Variants in GRID1 observed in about 807,000 individuals in gnomAD.
GRID1 encodes the protein glutamate receptor ionotropic, delta-1.
In GRID1, 28 loss-of-function variants were observed where a neutral mutation model predicts 98.0. The observed-to-expected ratio is 0.29, with a 90% confidence interval of 0.21 to 0.39. The LOEUF is 0.39. Among genes scored for constraint, GRID1 ranks in the 10% least tolerant of loss-of-function variants. GRID1 has a pLI of 1.00. For synonymous variants in GRID1, 553 were observed against 538.5 expected (o/e 1.03, Z -0.37); for missense variants, 1,111 against 1,340.5 (o/e 0.83, Z 2.67).
At chr10:86,219,232 G>T (rs1846217984) in intron 2 of GRID1, among the ~76,000 whole-genome samples, 1 of 152,196 alleles carries the variant, frequency 6.6e-6, no homozygotes, top group Admixed American at 6.5e-5. Context: ...CCCTCAAGGG[G>T]AATGTGCCAC....
At chr10:86,323,637 G>T (rs561322223) in intron 2 of GRID1, among the ~76,000 whole-genome samples, 1 of 152,176 alleles carries the variant, frequency 6.6e-6, no homozygotes, top group Admixed American at 6.5e-5. Context: ...GCCAGCGGCC[G>T]GGGGAGTGGA....
intron 4 of GRID1, among the ~76,000 whole-genome samples, chr10:86,118,567 A>G (rs747942808): frequency 1.3e-5 from 2 of 152,210 alleles, no homozygotes; most frequent in Non-Finnish European, 2.9e-5. Flanking sequence ...TAGATACTCC[A>G]CTCTTGAGAG....
At chr10:85,705,509 A>G (rs2132628388) in intron 12 of GRID1, among the ~76,000 whole-genome samples, 1 of 152,348 alleles carries the variant, frequency 6.6e-6, no homozygotes, top group Non-Finnish European at 1.5e-5. Context: ...ATGGATTCAC[A>G]GCCGAATTCT....
At chr10:86,224,209 C>T (rs1017152500) in intron 2 of GRID1, among the ~76,000 whole-genome samples, 15 of 146,674 alleles carry the variant, frequency 1.0e-4, no homozygotes, top group African/African-American at 3.7e-4. Flanking sequence ...CACCTATTTT[C>T]TGCATCTGCT....
At chr10:85,901,416 GT>G (rs1217722019) in intron 5 of GRID1, among the ~76,000 whole-genome samples, 5 of 151,604 alleles carry the variant, frequency 3.3e-5, no homozygotes, top group African/African-American at 1.2e-4. Context: ...CCGGCTAATT[GT>G]TTTTGTATTT....
chr10:85,752,745 A>G (rs1007397983), intron 8 of GRID1, among the ~76,000 whole-genome samples: 2 of 152,230 alleles, frequency 1.3e-5, no homozygotes, highest in African/African-American at 4.8e-5. Context: ...TGAGAGTTAA[A>G]GAAATGTCCA....
intron 2 of GRID1, among the ~76,000 whole-genome samples, chr10:86,259,061 T>C (rs890159871): frequency 1.3e-5 from 2 of 152,274 alleles, no homozygotes; most frequent in African/African-American, 4.8e-5. Context: ...GAACCTCTGA[T>C]GAGGAAAACA....
intron 2 of GRID1, among the ~76,000 whole-genome samples, chr10:86,294,373 G>A (rs1360299510): frequency 6.6e-6 from 1 of 152,220 alleles, no homozygotes; most frequent in African/African-American, 2.4e-5. Flanking sequence ...TGAGCTGTGT[G>A]CACCAGCATC....
At position 85,723,992 on chromosome 10, in the gene GRID1, T is replaced by G. The variant is rs370012599; in HGVS notation, c.1858+360A>C. ...TTAAATGATTGCAATACAATTGGGA[T>G]TTTTTTTCCCCATTAAGTCATCAAA... On this transcript the variant is annotated intron_variant, in intron 11 of 15. Transcript: ENST00000327946. Among the ~76,000 whole-genome samples the G allele has an allele frequency of 3.6e-4, 54 of 152,082 alleles. 1 individual carries two copies. The highest frequency in any genetic ancestry group is 2.0e-3 in the Admixed American group (30 of 15,272).
At chr10:86,112,484 C>G (rs1392746161) in intron 4 of GRID1, among the ~76,000 whole-genome samples, 1 of 152,108 alleles carries the variant, frequency 6.6e-6, no homozygotes, top group African/African-American at 2.4e-5. Flanking sequence ...CCCTTCTCCT[C>G]AGCAATGAAA....
At chr10:85,670,950 G>A (rs561111284) in intron 12 of GRID1, among the ~76,000 whole-genome samples, 1 of 152,304 alleles carries the variant, frequency 6.6e-6, no homozygotes, top group East Asian at 1.9e-4. Context: ...TGCCAAAACA[G>A]AAATCTCCTG....
chr10:85,806,532 A>C (rs1842624417), intron 8 of GRID1, among the ~76,000 whole-genome samples: 1 of 152,164 alleles, frequency 6.6e-6, no homozygotes, highest in African/African-American at 2.4e-5. Flanking sequence ...AGCTGGATTT[A>C]TGATAACCCA....
intron 4 of GRID1, among the ~76,000 whole-genome samples, chr10:86,125,376 T>C (rs1844737412): frequency 6.6e-6 from 1 of 152,160 alleles, no homozygotes; most frequent in Admixed American, 6.5e-5. Flanking sequence ...AGTCCCAGGA[T>C]AGTTAACAAC....
chr10:85,760,561 C>T (rs1842137952), intron 8 of GRID1, among the ~76,000 whole-genome samples: 1 of 152,164 alleles, frequency 6.6e-6, no homozygotes, highest in African/African-American at 2.4e-5. Context: ...TCACAAAGAG[C>T]CCTGCATCCT....
intron 8 of GRID1, among the ~76,000 whole-genome samples, chr10:85,738,756 G>A (rs908918132): frequency 5.3e-5 from 8 of 152,252 alleles, no homozygotes; most frequent in East Asian, 1.9e-4. Context: ...AGGAGACTGC[G>A]TGCTTTACGA....
chr10:85,727,944 A>G lies in GRID1; in HGVS notation c.1444T>C (p.Tyr482His), dbSNP rs764745737. The G allele has an allele frequency of 6.2e-7, 1 of 1,613,670 alleles. No individual in the cohort carries two copies. ...CCATCAGGGGCTTGGTAAATCTCAT[A>G]TTTAAAGCCCAGAGCCTTGGCCAGT... Reference protein sequence around the residue: ...DALAKALGFKYEIYQAPDGRY... With the variant: ...DALAKALGFKHEIYQAPDGRY... Residue 482 changes from tyrosine (Y) to histidine (H), a missense_variant, in exon 10 of 16, where the codon TAT becomes CAT. Physicochemically the swap from Tyr to His is moderately conservative, Grantham distance 83. Coordinates refer to ENST00000327946, the MANE Select transcript of GRID1 (RefSeq NM_017551.3).
intron 4 of GRID1, among the ~76,000 whole-genome samples, chr10:85,975,542 C>T (rs1842461434): frequency 6.6e-6 from 1 of 152,196 alleles, no homozygotes; most frequent in East Asian, 1.9e-4. Context: ...TAGTGGATGG[C>T]TCATCTGTGG....
At chr10:86,276,124 G>A (rs1273665157) in intron 2 of GRID1, among the ~76,000 whole-genome samples, 4 of 152,246 alleles carry the variant, frequency 2.6e-5, no homozygotes, top group Admixed American at 2.6e-4. Flanking sequence ...TTGAGCAATA[G>A]AAATGATTTG....
At chr10:85,891,009 T>G (rs944020594) in intron 5 of GRID1, among the ~76,000 whole-genome samples, 1 of 152,146 alleles carries the variant, frequency 6.6e-6, no homozygotes, top group East Asian at 1.9e-4. Flanking sequence ...GAAAAATAAA[T>G]ATAATAACAG....
Sources: gnomAD v4.1 joint callset for allele counts (sites outside exome capture counted in the v4.1 genomes callset) on GRCh38, gnomAD v4.1.1 for gene constraint, MANE v1.5 for transcripts, NCBI Gene and HGNC (gene_info 2026-07-23, HGNC 2026-07-21) for gene names.